ASF1A: variants seen among roughly 807,000 people sequenced by gnomAD.
The protein encoded by ASF1A is histone chaperone ASF1A.
Under a neutral mutation model 22.0 loss-of-function variants are expected in ASF1A, and 5 were observed. The observed-to-expected ratio is 0.23, with a 90% confidence interval of 0.12 to 0.48. The LOEUF is 0.48. ASF1A is among the 20% of genes least tolerant of loss of function. The pLI is 0.99. For missense variants in ASF1A, 137 were observed against 240.6 expected (o/e 0.57, Z 2.85); for synonymous variants, 97 against 86.7 (o/e 1.12, Z -0.66).
chr6:118,894,928 G>A (rs1204636540), intron 1 of ASF1A, among the ~76,000 whole-genome samples: 1 of 152,166 alleles, frequency 6.6e-6, no homozygotes, highest in East Asian at 1.9e-4. Flanking sequence ...GCGTGTGGTC[G>A]CGCCGGCGAG....
intron 1 of ASF1A, among the ~76,000 whole-genome samples, chr6:118,900,395 T>C (rs1440592572): frequency 6.6e-6 from 1 of 152,202 alleles, no homozygotes; most frequent in Non-Finnish European, 1.5e-5. Context: ...CCAAATAAAT[T>C]TGGGAAGTGC....
At chr6:118,900,169 G>T (rs901566011) in intron 1 of ASF1A, among the ~76,000 whole-genome samples, 1 of 152,164 alleles carries the variant, frequency 6.6e-6, no homozygotes, top group Non-Finnish European at 1.5e-5. Context: ...ATGACACAGG[G>T]GGGTGCCGTA....
chr6:118,905,433 A>T (rs568524554), intron 2 of ASF1A, among the ~76,000 whole-genome samples: 1 of 152,244 alleles, frequency 6.6e-6, no homozygotes, highest in East Asian at 1.9e-4. Context: ...CATGCTTTCA[A>T]GTATCAAGGG....
At chr6:118,897,999 A>G (rs1583588856) in intron 1 of ASF1A, among the ~76,000 whole-genome samples, 1 of 152,296 alleles carries the variant, frequency 6.6e-6, no homozygotes, top group East Asian at 1.9e-4. Flanking sequence ...CTCTGCTCTC[A>G]CTTCCCCTGC....
intron 2 of ASF1A, among the ~76,000 whole-genome samples, chr6:118,903,524 T>C (rs1334360942): frequency 6.6e-6 from 1 of 151,546 alleles, no homozygotes; most frequent in Non-Finnish European, 1.5e-5. Flanking sequence ...AAAATAAACA[T>C]GTTTAGATCA....
At chr6:118,894,620 C>T (rs889814526) in intron 1 of ASF1A, 98 bp downstream of exon 1, 44 of 1,085,720 alleles carry the variant, frequency 4.1e-5, no homozygotes, top group Non-Finnish European at 5.4e-5. Flanking sequence ...GTGTTCGGCG[C>T]CTGGCGGCCG....
chr6:118,902,225 C>A (rs774367630), intron 2 of ASF1A, among the ~76,000 whole-genome samples: 22 of 152,146 alleles, frequency 1.4e-4, no homozygotes, highest in Non-Finnish European at 2.8e-4. Flanking sequence ...ATCCCGACAC[C>A]TCTGTATTAG....
chr6:118,894,554 A>G, intron 1 of ASF1A, 32 bp downstream of exon 1: 5 of 1,502,714 alleles, frequency 3.3e-6, no homozygotes, highest in Non-Finnish European at 4.5e-6. Flanking sequence ...CCGGGCTGTC[A>G]GTTGCGGGCT....
rs933515938 is a variant in ASF1A at position 118,908,856 on chromosome 6, T to G, written c.*1242T>G. The G allele has an allele frequency of 6.6e-6, 1 of 152,588 alleles. No individual in the cohort carries two copies. Among genetic ancestry groups the G allele is most frequent in the African/African-American group, 2.4e-5 (1 of 41,450 alleles). The allele number at this position is 152,588 out of a possible 1,614,324, so 9.5% of individuals were successfully genotyped here. ...TATGCAGTGCCTTCATATCTAAAAC[T>G]TTTATACTGCACTTTTTAAAGCTTT... On this transcript the variant is annotated 3_prime_UTR_variant, in exon 4 of 4. Coordinates refer to ENST00000229595, the MANE Select transcript of ASF1A (RefSeq NM_014034.3).
chr6:118,899,068 T>A (rs1779626312), intron 1 of ASF1A, among the ~76,000 whole-genome samples: 1 of 152,192 alleles, frequency 6.6e-6, no homozygotes, highest in Non-Finnish European at 1.5e-5. Flanking sequence ...GCTTTCATCT[T>A]CAGGATTTTA....
chr6:118,907,742 T>G lies in ASF1A; in HGVS notation c.*128T>G. On this transcript the variant is annotated 3_prime_UTR_variant, in exon 4 of 4. Transcript: ENST00000229595. ...GTTTAAAAACATCCTGTAGAAAGTT[T>G]ATAAGAAAACCAGTATTTGAACAAA... is the stretch of plus-strand genomic sequence containing the variant. 1 of 704,756 alleles carries G rather than the reference T, an allele frequency of 1.4e-6. No homozygotes were observed. The highest frequency in any genetic ancestry group is 2.7e-5 in the East Asian group (1 of 36,660). 43.7% of individuals were successfully genotyped at this position (704,756 alleles called of 1,614,324 possible).
In ASF1A at chr6:118,908,616, C is replaced by G. The variant is rs1005117702; in HGVS notation, c.*1002C>G. 3 of 152,088 alleles carry G rather than the reference C, an allele frequency of 2.0e-5. No homozygotes were observed. Among genetic ancestry groups the G allele is most frequent in the Admixed American group, 6.6e-5 (1 of 15,264 alleles). 9.4% of individuals were successfully genotyped at this position (152,088 alleles called of 1,614,324 possible). Reference sequence around the variant, plus strand: ...CTCTGACACTCATGCAGAATGAGATCAGGCATATTTGTGGTTGACATACTC... The same window carrying G: ...CTCTGACACTCATGCAGAATGAGATGAGGCATATTTGTGGTTGACATACTC... On this transcript the variant is annotated 3_prime_UTR_variant, in exon 4 of 4. Coordinates refer to ENST00000229595, the MANE Select transcript of ASF1A (RefSeq NM_014034.3).
chr6:118,897,622 CTT>C (rs772622740), intron 1 of ASF1A, among the ~76,000 whole-genome samples: 2 of 152,104 alleles, frequency 1.3e-5, no homozygotes, highest in Non-Finnish European at 2.9e-5. Context: ...CTCTTGATGA[CTT>C]CCCTCATTCA....
In ASF1A at chr6:118,905,747, TAG is replaced by T. The variant is rs760299709; in HGVS notation, c.324_325del (p.Arg108SerfsTer7). On this transcript the variant is annotated frameshift_variant, in exon 3 of 4. Coordinates refer to ENST00000229595, the MANE Select transcript of ASF1A (RefSeq NM_014034.3). LOFTEE classifies it high-confidence loss of function. ...GTACCTATCGAGGACAAGAATTTAT[TAG>T]AGTTGGCTATTATGTAAATAATGAA... Reference protein sequence around the residue: ...TCTYRGQEFIRVGYYVNNEYT... With the variant: ...TCTYRGQEFIXVGYYVNNEYT... 1 of 1,613,496 alleles carries T rather than the reference TAG, an allele frequency of 6.2e-7. No individual in the cohort carries two copies. Among genetic ancestry groups the T allele is most frequent in the Non-Finnish European group, 8.5e-7 (1 of 1,179,594 alleles).
chr6:118,894,612 G>T, intron 1 of ASF1A, 90 bp downstream of exon 1: 1 of 1,169,238 alleles, frequency 8.6e-7, no homozygotes, highest in Non-Finnish European at 1.2e-6. Flanking sequence ...GGGCGGCTGT[G>T]TTCGGCGCCT....
rs1187123469 is a variant in ASF1A, at chr6:118,908,449, A to C, written c.*835A>C. 1 of 152,160 alleles carries C rather than the reference A, an allele frequency of 6.6e-6. No individual in the cohort carries two copies. Among genetic ancestry groups the C allele is most frequent in the Admixed American group, 6.5e-5 (1 of 15,272 alleles). The allele number at this position is 152,160 out of a possible 1,614,324, so 9.4% of individuals were successfully genotyped here. On this transcript the variant is annotated 3_prime_UTR_variant, in exon 4 of 4. Coordinates refer to ENST00000229595, the MANE Select transcript of ASF1A (RefSeq NM_014034.3). Reference sequence around the variant, plus strand: ...TCTAAAAATACCATGACCTTTAAAAATTCTTTTAATAGATCATGTTATTGG... The same window carrying C: ...TCTAAAAATACCATGACCTTTAAAACTTCTTTTAATAGATCATGTTATTGG...
chr6:118,896,046 T>G (rs114240013), intron 1 of ASF1A, among the ~76,000 whole-genome samples: 3,543 of 148,926 alleles, frequency 0.024, 157 homozygotes, highest in African/African-American at 0.087. Context: ...CCCCCGTTTT[T>G]TTTTTTTTTT....
At chr6:118,895,290 C>T (rs1357467010) in intron 1 of ASF1A, among the ~76,000 whole-genome samples, 1 of 152,034 alleles carries the variant, frequency 6.6e-6, no homozygotes, top group African/African-American at 2.4e-5. Context: ...GGGATGCTGG[C>T]GCGCAGGCTC....
At chr6:118,897,928 T>C (rs147901746) in intron 1 of ASF1A, among the ~76,000 whole-genome samples, 1 of 152,270 alleles carries the variant, frequency 6.6e-6, no homozygotes, top group Non-Finnish European at 1.5e-5. Context: ...TAAAAATCAA[T>C]GTACAAGTGT....
Sources: gnomAD v4.1 joint callset for allele counts (sites outside exome capture counted in the v4.1 genomes callset) on GRCh38, gnomAD v4.1.1 for gene constraint, MANE v1.5 for transcripts, NCBI Gene and HGNC (gene_info 2026-07-23, HGNC 2026-07-21) for gene names.